TAS2R1: variants seen among roughly 807,000 people sequenced by gnomAD.
TAS2R1 encodes taste receptor type 2 member 1.
For missense variants in TAS2R1, 370 were observed against 353.4 expected, an observed-to-expected ratio of 1.05 and a Z score of -0.38; for synonymous variants, 141 against 134.2, an observed-to-expected ratio of 1.05 and a Z score of -0.35.
In TAS2R1 at chr5:9,628,740, A is replaced by T. The variant is rs2126471778; in HGVS notation, c.*393T>A. 6.6e-6 allele frequency among the ~76,000 whole-genome samples: 1 copy of T among 152,372 alleles called. No homozygotes were observed. Among genetic ancestry groups the T allele is most frequent in the East Asian group, 1.9e-4 (1 of 5,194 alleles). On this transcript the variant is annotated 3_prime_UTR_variant, in exon 1 of 1. Coordinates refer to ENST00000382492, the MANE Select transcript of TAS2R1 (RefSeq NM_019599.3). ...CATACAGCATTCATGTGTCCTTCTG[A>T]CATCACGAGTTCAAACAAGTGCTTT...
chr5:9,741,091 C>G, the TAS2R1 span, among the ~76,000 whole-genome samples: 1 of 152,166 alleles, frequency 6.6e-6, no homozygotes, highest in Non-Finnish European at 1.5e-5. Context: ...TCTTCATCAA[C>G]CAGCCTCTAC....
chr5:9,849,046 A>G, the TAS2R1 span, among the ~76,000 whole-genome samples: 1 of 152,216 alleles, frequency 6.6e-6, no homozygotes, highest in Non-Finnish European at 1.5e-5. Flanking sequence ...GACCAGAGGA[A>G]TGTGAGGAGC....
the TAS2R1 span, among the ~76,000 whole-genome samples, chr5:9,848,386 A>G: frequency 2.0e-5 from 3 of 152,198 alleles, no homozygotes; most frequent in African/African-American, 7.2e-5. Context: ...CATCTTAACC[A>G]AGATTATGCA....
the TAS2R1 span, among the ~76,000 whole-genome samples, chr5:9,740,365 C>T: frequency 5.9e-5 from 9 of 152,154 alleles, no homozygotes; most frequent in Non-Finnish European, 1.3e-4. Flanking sequence ...GTAAAGAATG[C>T]AGTCTGGCTT....
chr5:9,654,484 G>A (rs1383727640), intron 2 of TAS2R1, among the ~76,000 whole-genome samples: 1 of 151,876 alleles, frequency 6.6e-6, no homozygotes, highest in African/African-American at 2.4e-5. Context: ...CAAAAAAAAA[G>A]AATAAAGAGT....
chr5:9,875,267 T>C, the TAS2R1 span, among the ~76,000 whole-genome samples: 2 of 152,194 alleles, frequency 1.3e-5, no homozygotes, highest in Non-Finnish European at 2.9e-5. Flanking sequence ...GGTGGGGAAC[T>C]GGAAAGGGTA....
At chr5:9,774,802 C>T in the TAS2R1 span, among the ~76,000 whole-genome samples, 3 of 152,248 alleles carry the variant, frequency 2.0e-5, no homozygotes, top group Non-Finnish European at 4.4e-5. Context: ...TCTCTCTGTG[C>T]TGAGCTGCCT....
At chr5:9,857,742 T>C in the TAS2R1 span, among the ~76,000 whole-genome samples, 1 of 152,140 alleles carries the variant, frequency 6.6e-6, no homozygotes, top group African/African-American at 2.4e-5. Context: ...TTGACTTACA[T>C]TGAGGTCTGA....
At chr5:9,752,556 A>ATT in the TAS2R1 span, among the ~76,000 whole-genome samples, 37,068 of 151,692 alleles carry the variant, frequency 0.24, 5,122 homozygotes, top group Middle Eastern at 0.4. Context: ...CAAATATATC[A>ATT]TTTTTTTTAT....
chr5:9,736,508 T>C, the TAS2R1 span, among the ~76,000 whole-genome samples: 16 of 152,320 alleles, frequency 1.1e-4, no homozygotes, highest in East Asian at 9.7e-4. Flanking sequence ...TTCAGTTTCA[T>C]GTTCTACACT....
At chr5:9,758,272 G>A in the TAS2R1 span, among the ~76,000 whole-genome samples, 11 of 152,122 alleles carry the variant, frequency 7.2e-5, no homozygotes, top group African/African-American at 2.7e-4. Flanking sequence ...CCTGGAAATA[G>A]GGAAGAAATC....
At chr5:9,900,111 T>C in the TAS2R1 span, among the ~76,000 whole-genome samples, 1 of 152,234 alleles carries the variant, frequency 6.6e-6, no homozygotes, top group Non-Finnish European at 1.5e-5. Context: ...AGAGGCAGAA[T>C]TGTATACTGG....
At chr5:9,860,655 C>T in the TAS2R1 span, among the ~76,000 whole-genome samples, 14 of 152,130 alleles carry the variant, frequency 9.2e-5, no homozygotes, top group African/African-American at 2.7e-4. Flanking sequence ...TCTGATACTG[C>T]GGAAGGAGAG....
chr5:9,828,058 C>A, the TAS2R1 span, among the ~76,000 whole-genome samples: 1 of 152,154 alleles, frequency 6.6e-6, no homozygotes, highest in Non-Finnish European at 1.5e-5. Flanking sequence ...TAGAATATTA[C>A]TTTTCTCCTC....
upstream of TAS2R1, among the ~76,000 whole-genome samples, chr5:9,633,285 G>A (rs1208003344): frequency 7.1e-4 from 73 of 103,368 alleles, no homozygotes; most frequent in East Asian, 3.9e-3. Flanking sequence ...GTGTGTGTGT[G>A]TGTGTATATT....
the TAS2R1 span, among the ~76,000 whole-genome samples, chr5:9,856,145 G>A: frequency 0.058 from 8,810 of 152,040 alleles, 616 homozygotes; most frequent in East Asian, 0.23. Context: ...TATTTAAAAC[G>A]TCTCCTTATA....
chr5:9,892,363 T>C, the TAS2R1 span, among the ~76,000 whole-genome samples: 2 of 152,238 alleles, frequency 1.3e-5, no homozygotes, highest in African/African-American at 2.4e-5. Context: ...TTTGTAGAAC[T>C]CTTGCCCCCA....
At chr5:9,641,521 AT>A (rs1157393362) in intron 2 of TAS2R1, 1 of 152,140 alleles carries the variant, frequency 6.6e-6, no homozygotes, top group African/African-American at 2.4e-5. Context: ...GGATGGAAAA[AT>A]AAGAGACGTC....
intron 1 of TAS2R1, among the ~76,000 whole-genome samples, chr5:9,668,989 A>AC (rs1740698240): frequency 6.6e-6 from 1 of 152,176 alleles, no homozygotes; most frequent in African/African-American, 2.4e-5. Flanking sequence ...AAGAAGCAAG[A>AC]CCCAACTATA....
Sources: gnomAD v4.1 joint callset for allele counts (sites outside exome capture counted in the v4.1 genomes callset) on GRCh38, gnomAD v4.1.1 for gene constraint, MANE v1.5 for transcripts, NCBI Gene and HGNC (gene_info 2026-07-23, HGNC 2026-07-21) for gene names.